The following MRE11 variants were observed in gnomAD, a reference collection of about 807,000 sequenced individuals.
The protein encoded by MRE11 is double-strand break repair protein MRE11.
In MRE11, 62 loss-of-function variants were observed where a neutral mutation model predicts 91.7. That is an observed-to-expected ratio of 0.68 (90% CI 0.55 to 0.84). The LOEUF is 0.84. Among genes scored for constraint, MRE11 ranks in the 40% least tolerant of loss-of-function variants. MRE11 has a pLI of 0.00. For missense variants in MRE11, 796 were observed against 852.9 expected (o/e 0.93, Z 0.83); for synonymous variants, 273 against 271.4 (o/e 1.01, Z -0.06).
At position 94,420,082 on chromosome 11, in the gene MRE11, AT is replaced by A; in HGVS notation, c.*42del. On this transcript the variant is annotated 3_prime_UTR_variant, in exon 20 of 20. Coordinates refer to ENST00000323929, the MANE Select transcript of MRE11 (RefSeq NM_005591.4). ...TAAACTCTTAGCTTGTAACATTTTC[AT>A]TTTTCCTGTATCTTGCATGTTTCTC... The A allele has an allele frequency of 6.8e-7, 1 of 1,462,754 alleles. No homozygotes were observed. The allele number at this position is 1,462,754 out of a possible 1,614,324, so 90.6% of individuals were successfully genotyped here. A position where few individuals can be genotyped will look rare whatever the true frequency, so the allele number is the denominator to read the frequency against.
chr11:94,448,398 G>C (rs375220402), intron 14 of MRE11, among the ~76,000 whole-genome samples: 1 of 151,612 alleles, frequency 6.6e-6, no homozygotes, highest in Non-Finnish European at 1.5e-5. Flanking sequence ...GCAACATGGC[G>C]AGACCCTGCC....
chr11:94,434,976 T>C (rs1945565004), intron 18 of MRE11, among the ~76,000 whole-genome samples: 1 of 152,216 alleles, frequency 6.6e-6, no homozygotes, highest in Admixed American at 6.5e-5. Flanking sequence ...ATTCGAGCTT[T>C]AGTTAAGCAG....
the MRE11 span, among the ~76,000 whole-genome samples, chr11:94,503,471 C>T: frequency 6.6e-6 from 1 of 152,090 alleles, no homozygotes; most frequent in East Asian, 1.9e-4. Flanking sequence ...GGGCAGATCA[C>T]AAGATCAAGA....
At position 94,479,810 on chromosome 11, in the gene MRE11, T is replaced by A. The variant is rs531938322; in HGVS notation, c.315-49A>T. 6 of 1,472,440 alleles carry A rather than the reference T, an allele frequency of 4.1e-6. No individual in the cohort carries two copies. In the East Asian group the frequency reaches 1.4e-4, roughly 34 times the overall value. 91.2% of individuals were successfully genotyped at this position (1,472,440 alleles called of 1,614,324 possible). A position where few individuals can be genotyped will look rare whatever the true frequency, so the allele number is the denominator to read the frequency against. Reference sequence around the variant, plus strand: ...AATTTCCATACGGGACAAAAGCTGTTTTCCCTAAGATTCTCCTCCAAAATA... The same window carrying A: ...AATTTCCATACGGGACAAAAGCTGTATTCCCTAAGATTCTCCTCCAAAATA... On this transcript the variant is annotated intron_variant, in intron 4 of 19. Coordinates refer to ENST00000323929, the MANE Select transcript of MRE11 (RefSeq NM_005591.4).
chr11:94,436,586 T>A (rs1011143350), intron 17 of MRE11, among the ~76,000 whole-genome samples: 1 of 152,194 alleles, frequency 6.6e-6, no homozygotes, highest in African/African-American at 2.4e-5. Context: ...TCAACAGTGC[T>A]ACTATGGAGA....
chr11:94,442,517 A>G (rs1945809735), intron 16 of MRE11, among the ~76,000 whole-genome samples: 1 of 152,202 alleles, frequency 6.6e-6, no homozygotes, highest in Non-Finnish European at 1.5e-5. Context: ...GGACAAAAAA[A>G]GACGATTTGG....
At chr11:94,443,698 T>C (rs1424569916) in intron 16 of MRE11, among the ~76,000 whole-genome samples, 2 of 152,072 alleles carry the variant, frequency 1.3e-5, no homozygotes, top group African/African-American at 2.4e-5. Flanking sequence ...CCCTTTGAAA[T>C]TGGGTGCAAT....
chr11:94,512,366 G>C, the MRE11 span: 1 of 579,660 alleles, frequency 1.7e-6, no homozygotes, highest in Non-Finnish European at 2.6e-6. Flanking sequence ...CATAACTTCA[G>C]CACCTTCTTT....
chr11:94,503,881 T>C, the MRE11 span, among the ~76,000 whole-genome samples: 1 of 137,956 alleles, frequency 7.2e-6, no homozygotes, highest in Non-Finnish European at 1.5e-5. Context: ...ATTGAGACAG[T>C]GTAGTATTGG....
intron 14 of MRE11, among the ~76,000 whole-genome samples, chr11:94,455,243 G>A (rs1946218392): frequency 6.6e-6 from 1 of 152,058 alleles, no homozygotes; most frequent in Non-Finnish European, 1.5e-5. Flanking sequence ...CCTTGAGTCT[G>A]GTCTGTCTCC....
Position 94,492,867 on chromosome 11 carries a change from A to G in MRE11, c.-66T>C. The G allele has an allele frequency of 1.5e-6, 2 of 1,374,278 alleles. No individual in the cohort carries two copies. Among genetic ancestry groups the G allele is most frequent in the African/African-American group, 1.4e-5 (1 of 69,346 alleles). The allele number at this position is 1,374,278 out of a possible 1,614,324, so 85.1% of individuals were successfully genotyped here. A position where few individuals can be genotyped will look rare whatever the true frequency, so the allele number is the denominator to read the frequency against. Reference sequence around the variant, plus strand: ...CCAAGAACCCCTGGGTACTGTACTCAAATGTCAGAAAATGCACTCGATTCC... The same window carrying G: ...CCAAGAACCCCTGGGTACTGTACTCGAATGTCAGAAAATGCACTCGATTCC... On this transcript the variant is annotated 5_prime_UTR_variant, in exon 2 of 20. Coordinates refer to ENST00000323929, the MANE Select transcript of MRE11 (RefSeq NM_005591.4).
At chr11:94,477,229 G>A (rs891964319) in intron 6 of MRE11, among the ~76,000 whole-genome samples, 1 of 151,968 alleles carries the variant, frequency 6.6e-6, no homozygotes, top group Non-Finnish European at 1.5e-5. Context: ...ATTATAACAT[G>A]TGCAGAAATA....
chr11:94,448,396 G>A (rs1178735702), intron 14 of MRE11, among the ~76,000 whole-genome samples: 1 of 151,766 alleles, frequency 6.6e-6, no homozygotes. Context: ...GGGCAACATG[G>A]CGAGACCCTG....
At chr11:94,489,322 G>A (rs1947226611) in intron 3 of MRE11, among the ~76,000 whole-genome samples, 1 of 151,824 alleles carries the variant, frequency 6.6e-6, no homozygotes, top group Admixed American at 6.6e-5. Context: ...TGCCGGTGTG[G>A]ATGTAGCACT....
rs1945077415 is a variant in MRE11, at chr11:94,418,290, G to A, written c.*1835C>T. 4.3e-6 allele frequency: 1 copy of A among 233,028 alleles called. No individual in the cohort carries two copies. The highest frequency in any genetic ancestry group is 8.5e-6 in the Non-Finnish European group (1 of 118,026). 14.4% of individuals were successfully genotyped at this position (233,028 alleles called of 1,614,324 possible). The stretch of plus-strand genomic sequence containing the variant: ...CACAAAATGACCTGAATTAGCTGGA[G>A]AGATTTATCACCCTCTGTAACTGCT... On this transcript the variant is annotated 3_prime_UTR_variant, in exon 20 of 20. Transcript: ENST00000323929.
intron 9 of MRE11, among the ~76,000 whole-genome samples, chr11:94,468,195 CAAGT>C (rs1314486209): frequency 6.6e-6 from 1 of 152,048 alleles, no homozygotes; most frequent in East Asian, 1.9e-4. Flanking sequence ...AACTTAAAAC[CAAGT>C]AAGTCTAGTT....
intron 11 of MRE11, among the ~76,000 whole-genome samples, chr11:94,461,558 C>CA (rs1946415171): frequency 6.6e-6 from 1 of 152,136 alleles, no homozygotes; most frequent in African/African-American, 2.4e-5. Context: ...TGAAAACTGG[C>CA]ACAAGACAGG....
chr11:94,511,259 A>G, the MRE11 span, among the ~76,000 whole-genome samples: 2 of 152,184 alleles, frequency 1.3e-5, no homozygotes, highest in African/African-American at 2.4e-5. Context: ...TGCTTTTGCT[A>G]TGTGAGCTGC....
At chr11:94,447,522 T>G in intron 14 of MRE11, 84 bp from the exon 15 acceptor site, 2 of 1,309,898 alleles carry the variant, frequency 1.5e-6, no homozygotes, top group East Asian at 4.7e-5. Flanking sequence ...TGACATGAAC[T>G]AATCATACTA....
Sources: allele counts gnomAD v4.1 joint callset (sites outside exome capture counted in the v4.1 genomes callset), GRCh38; gene constraint gnomAD v4.1.1; transcripts MANE v1.5; gene names NCBI Gene and HGNC (gene_info 2026-07-23, HGNC 2026-07-21).